RAPGEF6: variants seen among roughly 807,000 people sequenced by gnomAD.
RAPGEF6 encodes the protein Rap guanine nucleotide exchange factor 6.
In RAPGEF6, 56 loss-of-function variants were observed where a neutral mutation model predicts 171.4. The ratio of observed to expected loss-of-function variants is 0.33; its 90% confidence interval spans 0.26 to 0.41. The LOEUF is 0.41. RAPGEF6 is among the 10% of genes least tolerant of loss of function. The pLI is 1.00. For missense variants in RAPGEF6, 1,674 were observed against 1,921.4 expected (o/e 0.87, Z 2.41); for synonymous variants, 692 against 650.1 (o/e 1.06, Z -0.98).
At chr5:131,572,357 C>T (rs1011727453) in intron 4 of RAPGEF6, among the ~76,000 whole-genome samples, 1 of 152,182 alleles carries the variant, frequency 6.6e-6, no homozygotes, top group Non-Finnish European at 1.5e-5. Flanking sequence ...TCTACCTAAC[C>T]TCTCTCGCCT....
intron 5 of RAPGEF6, among the ~76,000 whole-genome samples, chr5:131,554,090 G>T (rs188766291): frequency 7.5e-4 from 114 of 152,166 alleles, no homozygotes; most frequent in South Asian, 6.4e-3. Flanking sequence ...AGAAAAAAGA[G>T]ATCAGGAAGG....
At chr5:131,612,323 C>G in intron 1 of RAPGEF6, among the ~76,000 whole-genome samples, 1 of 146,360 alleles carries the variant, frequency 6.8e-6, no homozygotes. Context: ...ATACCAGATA[C>G]ACAACACTTT....
chr5:131,548,079 T>C lies in RAPGEF6; in HGVS notation c.463A>G (p.Thr155Ala), dbSNP rs757254154. ...TAGCTGTTAACCTCCACATCATCAGTAATGGTTTGGCGCTCTCCTTTATAG... is the reference window on the plus strand; with the variant it reads ...TAGCTGTTAACCTCCACATCATCAGCAATGGTTTGGCGCTCTCCTTTATAG... The part of the protein sequence containing the change: ...INYKGERQTI[T>A]DDVEVNSYLS... The change falls in exon 6 of 28, where the codon ACT becomes GCT. Residue 155 changes from threonine (T) to alanine (A), a missense_variant. By Grantham distance (58) the Thr-to-Ala change is moderately conservative. Transcript: ENST00000509018. 4.3e-6 allele frequency: 7 copies of C among 1,614,016 alleles called. No homozygotes were observed. The highest frequency in any genetic ancestry group is 5.9e-6 in the Non-Finnish European group (7 of 1,179,978).
chr5:131,532,779 A>G (rs1281007073), intron 6 of RAPGEF6, among the ~76,000 whole-genome samples: 1 of 152,130 alleles, frequency 6.6e-6, no homozygotes, highest in Non-Finnish European at 1.5e-5. Flanking sequence ...TATTTTCTCT[A>G]TTCACATGCA....
At position 131,430,713 on chromosome 5, in the gene RAPGEF6, G is replaced by A. The variant is rs1017095911; in HGVS notation, c.4465+146C>T. 3 of 1,146,774 alleles carry A rather than the reference G, an allele frequency of 2.6e-6. No individual in the cohort carries two copies. In the African/African-American group the frequency reaches 4.6e-5, roughly 18 times the overall value. 71.0% of individuals were successfully genotyped at this position (1,146,774 alleles called of 1,614,324 possible). On this transcript the variant is annotated intron_variant, in intron 26 of 27. Transcript: ENST00000509018. ...AGTCTTTGAGAAACCATGAATTTTTGGGAAATAACTTGTTTGTTTGTGAAG... is the reference window on the plus strand; with the variant it reads ...AGTCTTTGAGAAACCATGAATTTTTAGGAAATAACTTGTTTGTTTGTGAAG...
chr5:131,586,521 C>T (rs114322217), intron 4 of RAPGEF6, among the ~76,000 whole-genome samples: 199 of 152,198 alleles, frequency 1.3e-3, no homozygotes, highest in Non-Finnish European at 2.1e-3. Context: ...GTCCCATCTA[C>T]TTGGGAGGCT....
chr5:131,453,258 G>C, intron 20 of RAPGEF6, 81 bp from the exon 21 acceptor site: 1 of 1,477,638 alleles, frequency 6.8e-7, no homozygotes, highest in Non-Finnish European at 9.0e-7. Context: ...GTAATCTTGA[G>C]GGGCACAAAG....
intron 7 of RAPGEF6, among the ~76,000 whole-genome samples, 168 bp downstream of exon 7, chr5:131,521,221 CT>C (rs1394992590): frequency 4.6e-5 from 7 of 152,164 alleles, no homozygotes; most frequent in Admixed American, 3.3e-4. Context: ...CAGATCACGT[CT>C]TTAATCATGC....
At chr5:131,442,562 G>GT in intron 22 of RAPGEF6, 25 bp from the exon 23 acceptor site, 1 of 1,609,724 alleles carries the variant, frequency 6.2e-7, no homozygotes, top group East Asian at 2.2e-5. Context: ...TAAGAAATAA[G>GT]TAACTGCACG....
chr5:131,444,646 T>G (rs1221997838), intron 22 of RAPGEF6, among the ~76,000 whole-genome samples: 3 of 152,228 alleles, frequency 2.0e-5, no homozygotes, highest in Admixed American at 6.5e-5. Context: ...AAGAAAGGCC[T>G]AAAGATTTTC....
chr5:131,451,055 T>C (rs1481684602), intron 21 of RAPGEF6, among the ~76,000 whole-genome samples: 3 of 152,196 alleles, frequency 2.0e-5, no homozygotes, highest in African/African-American at 7.2e-5. Flanking sequence ...GTTAGGGTCA[T>C]TGTACAAGGA....
chr5:131,503,265 A>T (rs1375946087), intron 11 of RAPGEF6, among the ~76,000 whole-genome samples: 1 of 152,226 alleles, frequency 6.6e-6, no homozygotes, highest in East Asian at 1.9e-4. Context: ...AAAAAAGACT[A>T]ATAGAGCAAA....
chr5:131,498,404 T>C, intron 12 of RAPGEF6, 39 bp downstream of exon 12: 2 of 1,539,002 alleles, frequency 1.3e-6, no homozygotes, highest in Non-Finnish European at 1.8e-6. Flanking sequence ...GAATAAAATT[T>C]TGGGTTAAAA....
chr5:131,581,783 G>C (rs1319377645), intron 4 of RAPGEF6, among the ~76,000 whole-genome samples: 1 of 152,090 alleles, frequency 6.6e-6, no homozygotes, highest in African/African-American at 2.4e-5. Flanking sequence ...TAATGTACTT[G>C]GTGATATTCC....
intron 23 of RAPGEF6, among the ~76,000 whole-genome samples, chr5:131,440,716 C>T (rs1426886344): frequency 3.3e-5 from 4 of 119,596 alleles, no homozygotes; most frequent in Non-Finnish European, 6.4e-5. Flanking sequence ...CCAGCCTGGG[C>T]GACAGAGGGA....
chr5:131,603,457 TA>T, intron 2 of RAPGEF6, 130 bp from the exon 3 acceptor site: 2 of 610,482 alleles, frequency 3.3e-6, no homozygotes, highest in East Asian at 5.9e-5. Context: ...ATGTTGTCAC[TA>T]AACTACAGAG....
intron 17 of RAPGEF6, 47 bp from the exon 18 acceptor site, chr5:131,464,328 T>C (rs1754167176): frequency 1.3e-6 from 2 of 1,525,096 alleles, no homozygotes; most frequent in Non-Finnish European, 1.8e-6. Flanking sequence ...AAAAAATCAC[T>C]TTTAAACCCT....
At chr5:131,500,332 C>T (rs1210720389) in intron 11 of RAPGEF6, among the ~76,000 whole-genome samples, 4 of 152,064 alleles carry the variant, frequency 2.6e-5, no homozygotes, top group Non-Finnish European at 4.4e-5. Context: ...CCTAAGAGTA[C>T]CAAATTGTTT....
At chr5:131,471,751 ATAACT>A (rs1239341962) in intron 17 of RAPGEF6, among the ~76,000 whole-genome samples, 1 of 151,478 alleles carries the variant, frequency 6.6e-6, no homozygotes, top group Non-Finnish European at 1.5e-5. Context: ...CAAAAAAAAA[ATAACT>A]TGACATCCCA....
Sources: allele counts gnomAD v4.1 joint callset (sites outside exome capture counted in the v4.1 genomes callset), GRCh38; gene constraint gnomAD v4.1.1; transcripts MANE v1.5; gene names NCBI Gene and HGNC (gene_info 2026-07-23, HGNC 2026-07-21).